The following SUPT5H variants were observed in gnomAD, a reference collection of about 807,000 sequenced individuals.
SUPT5H encodes the protein SPT5 homolog, DSIF elongation factor subunit, also known as transcription elongation factor SPT5.
In SUPT5H, 24 loss-of-function variants were observed where a neutral mutation model predicts 142.5. The observed-to-expected ratio is 0.17, with a 90% CI of 0.12 to 0.24. The LOEUF is 0.24. SUPT5H is among the 10% of genes least tolerant of loss of function. The pLI, the probability that SUPT5H is intolerant of heterozygous loss-of-function variation, is 1.00. For synonymous variants in SUPT5H, 546 were observed against 553.0 expected, an observed-to-expected ratio of 0.99 and a Z score of 0.18; for missense variants, 893 against 1,471.8, an observed-to-expected ratio of 0.61 and a Z score of 6.43.
At position 39,459,272 on chromosome 19, in the gene SUPT5H, G is replaced by C. The variant is rs373877472; in HGVS notation, c.524+23G>C. Reference sequence around the variant, plus strand: ...CAAGTAAGGGGGTTGGGATGGTGGGGGCCGTGCTGGGGTGCGAATCTTGTA... The same window carrying C: ...CAAGTAAGGGGGTTGGGATGGTGGGCGCCGTGCTGGGGTGCGAATCTTGTA... On this transcript the variant is annotated intron_variant, in intron 8 of 29. Coordinates refer to ENST00000432763, the MANE Select transcript of SUPT5H (RefSeq NM_001111020.3). 67 of 1,555,334 alleles carry C rather than the reference G, an allele frequency of 4.3e-5. No homozygotes were observed. The East Asian group carries it at 1.3e-3, about 30-fold the overall frequency.
At position 39,466,782 on chromosome 19, in the gene SUPT5H, A is replaced by G. The variant is rs777503016; in HGVS notation, c.1037+37A>G. 6 of 1,606,424 alleles carry G rather than the reference A, an allele frequency of 3.7e-6. No homozygotes were observed. Among genetic ancestry groups the G allele is most frequent in the Non-Finnish European group, 5.1e-6 (6 of 1,173,008 alleles). On this transcript the variant is annotated intron_variant, in intron 13 of 29. Transcript: ENST00000432763. This position sits in a 1 kb window ranked among gnomAD's most constrained non-coding sequence, Gnocchi z 4.3. ...TGGGGACTGGCTGGGCTGGGTCCCC[A>G]GGGCCGGTGTGTAGAATGTGCCTTT... is the stretch of plus-strand genomic sequence containing the variant.
intron 28 of SUPT5H, chr19:39,475,012 A>G (rs893524085): frequency 6.8e-5 from 33 of 482,860 alleles, no homozygotes; most frequent in South Asian, 2.4e-4. Context: ...AGGGAACTGC[A>G]TGTGCAGAGG....
At chr19:39,457,989 C>G in intron 4 of SUPT5H, 1 of 796,318 alleles carries the variant, frequency 1.3e-6, no homozygotes, top group Non-Finnish European at 2.1e-6. Flanking sequence ...CCCAGTGAAT[C>G]CCTTCTGGGG....
At chr19:39,462,595 G>T (rs1002459668) in intron 10 of SUPT5H, among the ~76,000 whole-genome samples, 1 of 151,982 alleles carries the variant, frequency 6.6e-6, no homozygotes, top group African/African-American at 2.4e-5. Flanking sequence ...TAATGGTGCA[G>T]TCTTGGCCCA....
intron 20 of SUPT5H, 158 bp downstream of exon 20, chr19:39,471,888 T>A (rs2079326237): frequency 9.3e-7 from 1 of 1,072,174 alleles, no homozygotes; most frequent in Non-Finnish European, 1.3e-6. Flanking sequence ...TATTTGGGAT[T>A]CTGAGCTGTT....
At chr19:39,448,636 C>T (rs1274505877) in intron 2 of SUPT5H, among the ~76,000 whole-genome samples, 1 of 152,088 alleles carries the variant, frequency 6.6e-6, no homozygotes, top group Non-Finnish European at 1.5e-5. Flanking sequence ...TCCCCACTGC[C>T]AGGGACAGGA....
intron 1 of SUPT5H, 44 bp downstream of exon 1, chr19:39,445,681 T>G (rs1600687705): frequency 6.8e-6 from 4 of 584,982 alleles, no homozygotes; most frequent in South Asian, 2.1e-5. Context: ...GCCGGGGAGG[T>G]GTAGAGAACA....
Position 39,473,386 on chromosome 19 carries a change from G to A in SUPT5H, c.2387-30G>A. The stretch of plus-strand genomic sequence containing the variant: ...GCTAGGGGGACCTAGAGAAGGGACA[G>A]GACAGACACACTCATTTCCCCCATT... On this transcript the variant is annotated intron_variant, in intron 24 of 29. Coordinates refer to ENST00000432763, the MANE Select transcript of SUPT5H (RefSeq NM_001111020.3). This position sits in a 1 kb window ranked among gnomAD's most constrained non-coding sequence, Gnocchi z 5.8. 6.2e-7 allele frequency: 1 copy of A among 1,613,252 alleles called. No individual in the cohort carries two copies.
chr19:39,474,610 C>T lies in SUPT5H; in HGVS notation c.2916C>T (p.Ile972=), dbSNP rs184672474. Residue 972 remains isoleucine (I), a synonymous_variant, in exon 28 of 30, where the codon ATC becomes ATT. Coordinates refer to ENST00000432763, the MANE Select transcript of SUPT5H (RefSeq NM_001111020.3). This position sits in a 1 kb window ranked among gnomAD's most constrained non-coding sequence, Gnocchi z 6.5. The part of the protein sequence containing the change: ...GYNPHTPGSG[I]EQNSSDWVTT... The stretch of plus-strand genomic sequence containing the variant: ...ACCCACACACGCCAGGCTCAGGCAT[C>T]GAGCAGAACTCCAGCGACTGGGTAA... The T allele has an allele frequency of 2.6e-5, 42 of 1,614,238 alleles. No individual in the cohort carries two copies. The Middle Eastern group carries it at 2.8e-3, about 108-fold the overall frequency.
In SUPT5H at chr19:39,459,907, G is replaced by T. The variant is rs1364724530; in HGVS notation, c.571G>T (p.Ala191Ser). 1 of 1,614,120 alleles carries T rather than the reference G, an allele frequency of 6.2e-7. No homozygotes were observed. The highest frequency in any genetic ancestry group is 1.1e-5 in the South Asian group (1 of 91,080). Residue 191 changes from alanine to serine, a missense_variant, in exon 10 of 30, where the codon GCC becomes TCC. By Grantham distance (99) the Ala-to-Ser change is moderately conservative (BLOSUM62 1). Coordinates refer to ENST00000432763, the MANE Select transcript of SUPT5H (RefSeq NM_001111020.3). Reference sequence around the variant, plus strand: ...CATCTTCCAGATTGGGGAGGAACGGGCCACGGCCATTTCCTTGATGCGCAA... The same window carrying T: ...CATCTTCCAGATTGGGGAGGAACGGTCCACGGCCATTTCCTTGATGCGCAA... ...TVKCKIGEER[A>S]TAISLMRKFI...
intron 18 of SUPT5H, 118 bp from the exon 19 acceptor site, chr19:39,471,239 C>G: frequency 1.6e-6 from 2 of 1,260,478 alleles, no homozygotes; most frequent in Admixed American, 2.1e-5. Flanking sequence ...AATTGAGATG[C>G]CTTGTGGAGC....
Position 39,469,573 on chromosome 19 carries a change from T to TGG in SUPT5H, c.1374+177_1374+178dup. 3 of 889,818 alleles carry TGG rather than the reference T, an allele frequency of 3.4e-6. No homozygotes were observed. The South Asian group carries it at 4.9e-5, about 15-fold the overall frequency. 55.1% of individuals were successfully genotyped at this position (889,818 alleles called of 1,614,324 possible). On this transcript the variant is annotated intron_variant, in intron 16 of 29. Coordinates refer to ENST00000432763, the MANE Select transcript of SUPT5H (RefSeq NM_001111020.3). This position sits in a 1 kb window ranked among gnomAD's most constrained non-coding sequence, Gnocchi z 5.1. ...CTGTCTGAGTGCAGCTCAGGGTCGGTGGGCAGCAGGCCTGCCTGGTGGTGT... is the reference window on the plus strand; with the variant it reads ...CTGTCTGAGTGCAGCTCAGGGTCGGTGGGGGCAGCAGGCCTGCCTGGTGGTGT...
Position 39,470,378 on chromosome 19 carries a change from T to C in SUPT5H, c.1532T>C (p.Leu511Pro). ...CACCCCTTTCACCATCCCTGGCAGC[T>C]GAAGGTGCTCCCCCGGGACCTGCAG... ...ILFSDLTMHE[L>P]KVLPRDLQLC... Residue 511 changes from leucine to proline, a missense_variant and splice_region_variant, in exon 18 of 30, where the codon CTG becomes CCG. By Grantham distance (98) the Leu-to-Pro change is moderately conservative. Transcript: ENST00000432763. The surrounding 1 kb of genome is among the most constrained non-coding windows in gnomAD (Gnocchi z 5.8). The C allele has an allele frequency of 6.4e-7, 1 of 1,563,042 alleles. No individual in the cohort carries two copies. Among genetic ancestry groups the C allele is most frequent in the Non-Finnish European group, 8.7e-7 (1 of 1,152,018 alleles).
chr19:39,464,776 C>T, intron 10 of SUPT5H, 22 bp from the exon 11 acceptor site: 1 of 1,577,920 alleles, frequency 6.3e-7, no homozygotes, highest in Non-Finnish European at 8.6e-7. Context: ...CTGTTTCCTC[C>T]TTCCACCGGC....
In SUPT5H at chr19:39,468,936, G is replaced by A. The variant is rs1334335939; in HGVS notation, c.1143+75G>A. On this transcript the variant is annotated intron_variant, in intron 14 of 29. Coordinates refer to ENST00000432763, the MANE Select transcript of SUPT5H (RefSeq NM_001111020.3). ...CTGCAGGTGATGCCCTGGGCTGTGG[G>A]TTATCTGGTTCTGTCCCACTCCTCA... The A allele has an allele frequency of 2.6e-6, 4 of 1,558,724 alleles. No homozygotes were observed. The African/African-American group carries it at 4.1e-5, about 16-fold the overall frequency.
Position 39,458,599 on chromosome 19 carries a change from AG to A in SUPT5H, c.320-218del. Reference sequence around the variant, plus strand: ...GGACTTTGAGATGGGAACAGCTGGAAGCCCCCCAACTTGCTGGGCCCCATCC... The same window carrying A: ...GGACTTTGAGATGGGAACAGCTGGAACCCCCCAACTTGCTGGGCCCCATCC... On this transcript the variant is annotated intron_variant, in intron 5 of 29. Coordinates refer to ENST00000432763, the MANE Select transcript of SUPT5H (RefSeq NM_001111020.3). The surrounding 1 kb of genome is among the most constrained non-coding windows in gnomAD (Gnocchi z 4.2). 1.4e-6 allele frequency: 1 copy of A among 694,878 alleles called. No homozygotes were observed. The highest frequency in any genetic ancestry group is 2.4e-6 in the Non-Finnish European group (1 of 421,802). 43.0% of individuals were successfully genotyped at this position (694,878 alleles called of 1,614,324 possible). A position where few individuals can be genotyped will look rare whatever the true frequency, so the allele number is the denominator to read the frequency against.
At position 39,469,164 on chromosome 19, in the gene SUPT5H, A is replaced by C; in HGVS notation, c.1229A>C (p.Glu410Ala). 6.2e-7 allele frequency: 1 copy of C among 1,614,218 alleles called. No homozygotes were observed. Among genetic ancestry groups the C allele is most frequent in the Non-Finnish European group, 8.5e-7 (1 of 1,180,030 alleles). The stretch of plus-strand genomic sequence containing the variant: ...GGCATTGACCTGGAGGTGGTGACTG[A>C]GAGCACAGGTATTTGATCCCCCTCT... ...PEGIDLEVVT[E>A]STGKEREHNF... The change falls in exon 15 of 30, where the codon GAG becomes GCG. Residue 410 changes from glutamate (E) to alanine (A), a missense_variant. Coordinates refer to ENST00000432763, the MANE Select transcript of SUPT5H (RefSeq NM_001111020.3). This position sits in a 1 kb window ranked among gnomAD's most constrained non-coding sequence, Gnocchi z 5.1.
At position 39,470,124 on chromosome 19, in the gene SUPT5H, G is replaced by A. The variant is rs1289377367; in HGVS notation, c.1380G>A (p.Met460Ile). Residue 460 changes from methionine (M) to isoleucine (I), a missense_variant, in exon 17 of 30, where the codon ATG becomes ATA. Physicochemically the swap from Met to Ile is conservative, Grantham distance 10 (BLOSUM62 1). Transcript: ENST00000432763. This position sits in a 1 kb window ranked among gnomAD's most constrained non-coding sequence, Gnocchi z 5.8. Reference protein sequence around the residue: ...IMPKHEDLKDMLEFPAQELRK... With the variant: ...IMPKHEDLKDILEFPAQELRK... ...CCCCACACCCAATCCCCCAGGACAT[G>A]TTGGAGTTCCCAGCCCAGGAACTTA... The A allele has an allele frequency of 1.9e-6, 3 of 1,613,156 alleles. No homozygotes were observed. The highest frequency in any genetic ancestry group is 3.3e-5 in the Admixed American group (2 of 59,882).
intron 13 of SUPT5H, 166 bp from the exon 14 acceptor site, chr19:39,468,590 T>G: frequency 1.6e-6 from 1 of 615,760 alleles, no homozygotes. Flanking sequence ...AGGCGGGCCT[T>G]TGGGGTTTGT....
Sources: gnomAD v4.1 joint callset for allele counts (sites outside exome capture counted in the v4.1 genomes callset) on GRCh38, gnomAD v4.1.1 for gene constraint, Gnocchi (gnomAD v3.1) non-coding constraint, MANE v1.5 for transcripts, NCBI Gene and HGNC (gene_info 2026-07-23, HGNC 2026-07-21) for gene names.